The following FLT4 variants were observed in gnomAD, a reference collection of about 807,000 sequenced individuals.
The protein encoded by FLT4 is vascular endothelial growth factor receptor 3.
Under a neutral mutation model 163.2 loss-of-function variants are expected in FLT4, and 30 were observed. The ratio of observed to expected loss-of-function variants is 0.18; its 90% confidence interval spans 0.14 to 0.25. The LOEUF (loss-of-function observed/expected upper bound fraction) is 0.25. Among genes scored for constraint, FLT4 ranks in the 10% least tolerant of loss-of-function variants. The pLI is 1.00. For synonymous variants in FLT4, 884 were observed against 789.5 expected, an observed-to-expected ratio of 1.12 and a Z score of -2.01; for missense variants, 1,510 against 1,863.8, an observed-to-expected ratio of 0.81 and a Z score of 3.50.
At chr5:180,610,092 T>C (rs2127789042) in intron 27 of FLT4, 67 bp from the exon 28 acceptor site, 2 of 1,608,726 alleles carry the variant, frequency 1.2e-6, no homozygotes, top group Non-Finnish European at 1.7e-6. Context: ...TTCTCTCCAC[T>C]GTCCCTGTGC....
chr5:180,607,514 G>A (rs1363121222), intron 29 of FLT4, among the ~76,000 whole-genome samples: 2 of 151,922 alleles, frequency 1.3e-5, no homozygotes, highest in South Asian at 2.1e-4. Context: ...GGTGGCGGGT[G>A]CCTGTAGTCC....
intron 29 of FLT4, 79 bp downstream of exon 29, chr5:180,608,889 A>G (rs2127787336): frequency 8.1e-7 from 1 of 1,228,928 alleles, no homozygotes; most frequent in South Asian, 1.2e-5. Context: ...AGGGCTGGGC[A>G]CACCCAGACC....
At chr5:180,646,717 G>C (rs1355757152) in intron 1 of FLT4, among the ~76,000 whole-genome samples, 2 of 152,204 alleles carry the variant, frequency 1.3e-5, no homozygotes, top group African/African-American at 4.8e-5. Context: ...AGTCCTCCCT[G>C]GGCCACCCCG....
In FLT4 at chr5:180,629,411, C is replaced by G; in HGVS notation, c.833G>C (p.Trp278Ser). 1 of 1,611,274 alleles carries G rather than the reference C, an allele frequency of 6.2e-7. No homozygotes were observed. Among genetic ancestry groups the G allele is most frequent in the Non-Finnish European group, 8.5e-7 (1 of 1,179,948 alleles). Residue 278 changes from tryptophan (W) to serine (S), a missense_variant, in exon 7 of 30, where the codon TGG becomes TCG. Physicochemically the swap from Trp to Ser is radical, Grantham distance 177. This residue lies in a region of FLT4 where 163 missense variants were observed against 281.1 expected (regional missense o/e 0.58). Coordinates refer to ENST00000261937, the MANE Select transcript of FLT4 (RefSeq NM_182925.5). ...CTGCTGGGAGCGTCGCTCGGGCACC[C>G]ACTTACCCCGCTCTGCCTGCCCGCA... ...YPGKQAERGK[W>S]VPERRSQQTH...
At chr5:180,611,781 G>T (rs1762222078) in intron 26 of FLT4, 1 of 497,444 alleles carries the variant, frequency 2.0e-6, no homozygotes, top group African/African-American at 1.9e-5. Context: ...GACAGATAAG[G>T]GGTCAAGGTA....
intron 25 of FLT4, 33 bp downstream of exon 25, chr5:180,612,978 C>A: frequency 6.4e-7 from 1 of 1,555,124 alleles, no homozygotes; most frequent in Non-Finnish European, 8.8e-7. Context: ...CGCTTGCTGT[C>A]CCCAAAACCT....
intron 1 of FLT4, among the ~76,000 whole-genome samples, chr5:180,633,943 C>A (rs1764362723): frequency 6.6e-6 from 1 of 152,118 alleles, no homozygotes; most frequent in African/African-American, 2.4e-5. Context: ...GCTGGTGGCC[C>A]CCTTCTCAGG....
At chr5:180,612,824 C>T (rs958874554) in intron 25 of FLT4, among the ~76,000 whole-genome samples, 187 bp downstream of exon 25, 6 of 152,156 alleles carry the variant, frequency 3.9e-5, no homozygotes, top group East Asian at 3.9e-4. Context: ...GTTCCGACAG[C>T]GCCCGGCCTT....
Position 180,603,232 on chromosome 5 carries a change from G to A in FLT4, c.4052C>T (p.Pro1351Leu), listed in dbSNP as rs371358529. Residue 1351 changes from proline to leucine, a missense_variant, in exon 30 of 30, where the codon CCG (proline) becomes CTG (leucine). This residue lies in a region of FLT4 where 295 missense variants were observed against 311.0 expected (regional missense o/e 0.95). Transcript: ENST00000261937. Reference protein sequence around the residue: ...SEPSEEDHCSPSARVTFFTDN... With the variant: ...SEPSEEDHCSLSARVTFFTDN... ...TGTGAAGAAAGTCACGCGGGCAGAC[G>A]GGGAGCAGTGGTCCTCCTCGCTTGG... 2.0e-5 allele frequency: 32 copies of A among 1,614,026 alleles called. No homozygotes were observed. The Middle Eastern group carries it at 4.9e-4, about 25-fold the overall frequency.
chr5:180,611,817 G>A (rs1762223996), intron 26 of FLT4: 4 of 410,892 alleles, frequency 9.7e-6, no homozygotes, highest in East Asian at 9.9e-5. Flanking sequence ...TGCCAGCCTC[G>A]CTAAGTTCTC....
chr5:180,647,167 G>A (rs1383852044), intron 1 of FLT4, among the ~76,000 whole-genome samples: 3 of 152,200 alleles, frequency 2.0e-5, no homozygotes, highest in Admixed American at 2.0e-4. Context: ...ATGTCCCTGA[G>A]CTGGTAGCCA....
At chr5:180,631,557 G>A in intron 2 of FLT4, 125 bp downstream of exon 2, 1 of 768,752 alleles carries the variant, frequency 1.3e-6, no homozygotes, top group Non-Finnish European at 2.3e-6. Context: ...AGACCACACG[G>A]CCCCGAGGCC....
chr5:180,629,441 G>A lies in FLT4; in HGVS notation c.817-14C>T. 3 of 1,609,952 alleles carry A rather than the reference G, an allele frequency of 1.9e-6. No individual in the cohort carries two copies. Among genetic ancestry groups the A allele is most frequent in the Non-Finnish European group, 2.5e-6 (3 of 1,179,884 alleles). On this transcript the variant is annotated splice_polypyrimidine_tract_variant and intron_variant, in intron 6 of 29. Transcript: ENST00000261937. ...ACCCCGCTCTGCCTGCCCGCACCCA[G>A]GGAAGCCCCGCGTCAGCAGGCGGGC...
chr5:180,639,925 G>A (rs1318506635), intron 1 of FLT4, among the ~76,000 whole-genome samples: 2 of 152,190 alleles, frequency 1.3e-5, no homozygotes, highest in Admixed American at 6.5e-5. Flanking sequence ...CTGAGGCCCC[G>A]CAAAGCCCTG....
intron 29 of FLT4, 60 bp from the exon 30 acceptor site, chr5:180,603,450 T>C (rs1051798570): frequency 5.9e-5 from 88 of 1,501,322 alleles, no homozygotes; most frequent in Non-Finnish European, 7.4e-5. Flanking sequence ...GGGTGGTGCA[T>C]ACTGGTAATC....
intron 1 of FLT4, among the ~76,000 whole-genome samples, chr5:180,646,159 C>T (rs1354583566): frequency 2.0e-5 from 3 of 152,142 alleles, no homozygotes; most frequent in South Asian, 2.1e-4. Context: ...CTGAGGTCTC[C>T]GAGGAAATCC....
At chr5:180,606,905 A>AC (rs749745339) in intron 29 of FLT4, among the ~76,000 whole-genome samples, 13,413 of 38,532 alleles carry the variant, frequency 0.35, 734 homozygotes, top group Non-Finnish European at 0.47. Context: ...AAAAAAAAAA[A>AC]AAAAAAAAAA....
At position 180,611,696 on chromosome 5, in the gene FLT4, C is replaced by T. The variant is rs55900466; in HGVS notation, c.3538-217G>A. On this transcript the variant is annotated intron_variant, in intron 26 of 29. Coordinates refer to ENST00000261937, the MANE Select transcript of FLT4 (RefSeq NM_182925.5). ...CCTGACCCCTGAGATAGGGCCCTAA[C>T]AGACCATGCGGGCACGTGAGTGCTC... 0.044 allele frequency: 26,933 copies of T among 611,250 alleles called. 805 individuals are homozygous for T. The highest frequency in any genetic ancestry group is 0.059 in the Non-Finnish European group (20,144 of 342,030). 37.9% of individuals were successfully genotyped at this position (611,250 alleles called of 1,614,324 possible).
At chr5:180,615,808 C>CCGAAATCCA (rs1762634216) in intron 23 of FLT4, among the ~76,000 whole-genome samples, 1 of 22,236 alleles carries the variant, frequency 4.5e-5, no homozygotes, top group Non-Finnish European at 9.2e-5. Context: ...TTCTCCACTT[C>CCGAAATCCA]CTTTCGGAGC....
Sources: allele counts gnomAD v4.1 joint callset (sites outside exome capture counted in the v4.1 genomes callset), GRCh38; gene constraint gnomAD v4.1.1; regional missense constraint gnomAD v4.1.1; transcripts MANE v1.5; gene names NCBI Gene and HGNC (gene_info 2026-07-23, HGNC 2026-07-21).